Variants in HDX observed in about 807,000 individuals in gnomAD.
HDX encodes highly divergent homeobox.
Under a neutral mutation model 45.2 loss-of-function variants are expected in HDX, and 19 were observed. The ratio of observed to expected loss-of-function variants is 0.42; its 90% CI spans 0.29 to 0.62. HDX has a LOEUF of 0.62. Among genes scored for constraint, HDX ranks in the 20% least tolerant of loss-of-function variants. The pLI is 0.20. For synonymous variants in HDX, 188 were observed against 172.8 expected (o/e 1.09, Z -0.69); for missense variants, 532 against 493.9 (o/e 1.08, Z -0.73).
At chrX:84,386,706 T>C (rs1016298962) in intron 5 of HDX, among the ~76,000 whole-genome samples, 6 of 111,912 alleles carry the variant, frequency 5.4e-5, no homozygotes, top group African/African-American at 1.9e-4. Flanking sequence ...GTCACTATTG[T>C]CATTTCTGAT....
At chrX:84,369,244 G>T (rs960620830) in intron 5 of HDX, among the ~76,000 whole-genome samples, 3 of 112,196 alleles carry the variant, frequency 2.7e-5, no homozygotes, top group African/African-American at 9.7e-5. Context: ...GCATGTGTCA[G>T]AATTTCCTTC....
intron 9 of HDX, among the ~76,000 whole-genome samples, chrX:84,330,892 C>T (rs1303806412): frequency 4.5e-5 from 5 of 112,161 alleles, no homozygotes; most frequent in Non-Finnish European, 9.4e-5. Flanking sequence ...TTTATGTATA[C>T]TTTCAAGATT....
At chrX:84,333,701 A>G in intron 9 of HDX, 58 bp downstream of exon 9, 2 of 502,796 alleles carry the variant, frequency 4.0e-6, no homozygotes, top group South Asian at 2.8e-5. Context: ...TAGGTATTGT[A>G]AAATTCTGCC....
chrX:84,354,389 A>G (rs1195806374), intron 6 of HDX, among the ~76,000 whole-genome samples: 8 of 111,571 alleles, frequency 7.2e-5, no homozygotes, highest in Admixed American at 6.7e-4. Context: ...TAGTTCATGT[A>G]TGCTATATAT....
intron 5 of HDX, among the ~76,000 whole-genome samples, chrX:84,418,614 G>A (rs2039172427): frequency 9.1e-6 from 1 of 110,299 alleles, no homozygotes; most frequent in Non-Finnish European, 1.9e-5. Flanking sequence ...AAAGGCACTT[G>A]AAGTTATGCA....
chrX:84,493,526 A>G (rs1470902019), intron 1 of HDX, among the ~76,000 whole-genome samples: 1 of 112,034 alleles, frequency 8.9e-6, no homozygotes, highest in Non-Finnish European at 1.9e-5. Flanking sequence ...CACATACTCC[A>G]CATAAATATA....
chrX:84,403,486 A>G (rs926299574), intron 5 of HDX, among the ~76,000 whole-genome samples: 1 of 111,655 alleles, frequency 9.0e-6, no homozygotes, highest in African/African-American at 3.2e-5. Flanking sequence ...CAGTGCCCAA[A>G]TGAGATTTTA....
chrX:84,470,381 T>G (rs2040433231), intron 3 of HDX, among the ~76,000 whole-genome samples: 2 of 111,885 alleles, frequency 1.8e-5, no homozygotes, highest in South Asian at 7.4e-4. Context: ...TGACATGAAT[T>G]TCTATGGTTA....
chrX:84,453,925 C>T (rs1302998812), intron 4 of HDX, among the ~76,000 whole-genome samples: 6 of 111,794 alleles, frequency 5.4e-5, no homozygotes, highest in African/African-American at 3.3e-5. Flanking sequence ...TCTTGAGGCT[C>T]CTATTCCAGG....
At chrX:84,488,324 A>AACAC (rs200905875) in intron 1 of HDX, among the ~76,000 whole-genome samples, 192 bp from the exon 2 acceptor site, 1,714 of 94,825 alleles carry the variant, frequency 0.018, 18 homozygotes, top group East Asian at 0.059. Flanking sequence ...TAAAATCTAA[A>AACAC]ACACACACAC....
intron 5 of HDX, among the ~76,000 whole-genome samples, chrX:84,433,396 C>T (rs968636151): frequency 7.2e-5 from 8 of 111,591 alleles, no homozygotes; most frequent in Non-Finnish European, 1.3e-4. Flanking sequence ...TAATTTCATT[C>T]TTCTGCTGGT....
At chrX:84,463,003 G>A (rs967006137) in intron 4 of HDX, among the ~76,000 whole-genome samples, 1 of 110,970 alleles carries the variant, frequency 9.0e-6, no homozygotes, top group Non-Finnish European at 1.9e-5. Flanking sequence ...ATTAGTGGTT[G>A]CTTGCTTAGT....
At chrX:84,357,344 A>C (rs2037511364) in intron 6 of HDX, among the ~76,000 whole-genome samples, 1 of 111,776 alleles carries the variant, frequency 8.9e-6, no homozygotes, top group African/African-American at 3.2e-5. Context: ...GGGTTTAAAG[A>C]TAAATTAGTA....
At chrX:84,466,774 A>T (rs1378238247) in intron 4 of HDX, among the ~76,000 whole-genome samples, 2 of 111,771 alleles carry the variant, frequency 1.8e-5, no homozygotes, top group Non-Finnish European at 3.8e-5. Context: ...AGAAAATATG[A>T]TAAATAATAA....
chrX:84,380,944 G>T (rs1482940951), intron 5 of HDX, among the ~76,000 whole-genome samples: 4 of 110,975 alleles, frequency 3.6e-5, no homozygotes, highest in African/African-American at 1.3e-4. Context: ...CTTTGCAAAT[G>T]ATATGATCTT....
intron 5 of HDX, among the ~76,000 whole-genome samples, chrX:84,425,118 GA>G (rs910612289): frequency 6.3e-5 from 7 of 110,549 alleles, no homozygotes; most frequent in Admixed American, 9.6e-5. Context: ...CAATTTTATA[GA>G]AAAAAAATCT....
chrX:84,394,990 A>G (rs1458728024), intron 5 of HDX, among the ~76,000 whole-genome samples: 1 of 111,159 alleles, frequency 9.0e-6, no homozygotes, highest in African/African-American at 3.3e-5. Context: ...TCCATTTACA[A>G]TTAAGGTTAT....
At chrX:84,365,424 T>C (rs1392911312) in intron 5 of HDX, among the ~76,000 whole-genome samples, 2 of 111,018 alleles carry the variant, frequency 1.8e-5, no homozygotes, top group Non-Finnish European at 3.8e-5. Flanking sequence ...GCTGAGGACA[T>C]TTTATGCCAT....
chrX:84,384,306 G>A (rs2038256784), intron 5 of HDX, among the ~76,000 whole-genome samples: 3 of 111,216 alleles, frequency 2.7e-5, no homozygotes, highest in Admixed American at 1.9e-4. Context: ...TTATTGATGA[G>A]CATTTTTTCA....
Sources: allele counts gnomAD v4.1 joint callset (sites outside exome capture counted in the v4.1 genomes callset), GRCh38; gene constraint gnomAD v4.1.1; transcripts MANE v1.5; gene names NCBI Gene and HGNC (gene_info 2026-07-23, HGNC 2026-07-21).